Variants in TTC33 observed in about 807,000 individuals in gnomAD.
The protein encoded by TTC33 is tetratricopeptide repeat domain 33.
A neutral mutation model predicts 29.4 loss-of-function variants in TTC33; 24 were observed. The observed-to-expected ratio is 0.82, with a 90% confidence interval of 0.59 to 1.15. TTC33 has a LOEUF of 1.15. Among genes scored for constraint, TTC33 ranks in the 50% most tolerant of loss-of-function variants. TTC33 has a pLI of 0.00. For missense variants in TTC33, 286 were observed against 310.4 expected (o/e 0.92, Z 0.59); for synonymous variants, 107 against 100.3 (o/e 1.07, Z -0.40).
intron 2 of TTC33, among the ~76,000 whole-genome samples, chr5:40,741,105 C>T (rs1169566107): frequency 6.6e-6 from 1 of 152,182 alleles, no homozygotes; most frequent in Admixed American, 6.5e-5. Flanking sequence ...CAGTTTCCAA[C>T]TCTTTGGCAT....
intron 2 of TTC33, among the ~76,000 whole-genome samples, chr5:40,744,017 T>G (rs897246397): frequency 1.3e-5 from 2 of 152,216 alleles, no homozygotes; most frequent in Non-Finnish European, 2.9e-5. Context: ...GGGAATCCGA[T>G]GGCAATAACA....
Position 40,749,944 on chromosome 5 carries a change from C to G in TTC33, c.-1-2925G>C, listed in dbSNP as rs539590288. 2.6e-5 allele frequency among the ~76,000 whole-genome samples: 4 copies of G among 152,028 alleles called. No individual in the cohort carries two copies. In the South Asian group the frequency reaches 8.3e-4, roughly 32 times the overall value. ...CTCTACTAAAAATACAAAAATTATCCGGGCGTGGTGGCATGTGCCTGTAAT... is the reference window on the plus strand; with the variant it reads ...CTCTACTAAAAATACAAAAATTATCGGGGCGTGGTGGCATGTGCCTGTAAT... On this transcript the variant is annotated intron_variant, in intron 1 of 4. Transcript: ENST00000337702.
intron 2 of TTC33, among the ~76,000 whole-genome samples, chr5:40,746,471 A>G (rs1579691327): frequency 6.6e-6 from 1 of 152,328 alleles, no homozygotes; most frequent in Middle Eastern, 3.4e-3. Context: ...GTTTCCAGTG[A>G]TAAGACCACC....
chr5:40,726,462 CTTT>C (rs913016790), intron 4 of TTC33, among the ~76,000 whole-genome samples: 2 of 146,402 alleles, frequency 1.4e-5, no homozygotes, highest in African/African-American at 5.0e-5. Flanking sequence ...TTTGAGTCAT[CTTT>C]TTTTTTTACC....
At chr5:40,726,337 C>A (rs1742286553) in intron 4 of TTC33, among the ~76,000 whole-genome samples, 1 of 151,750 alleles carries the variant, frequency 6.6e-6, no homozygotes, top group African/African-American at 2.4e-5. Context: ...GTGCTATTTA[C>A]ATACATAATT....
At chr5:40,726,005 TC>T (rs1260606248) in intron 4 of TTC33, among the ~76,000 whole-genome samples, 1 of 151,710 alleles carries the variant, frequency 6.6e-6, no homozygotes, top group Admixed American at 6.6e-5. Context: ...CAGGATGGTC[TC>T]AATCTCCTGA....
Position 40,728,399 on chromosome 5 carries a change from C to T in TTC33, c.381G>A (p.Trp127Ter). The T allele has an allele frequency of 6.2e-7, 1 of 1,613,680 alleles. No individual in the cohort carries two copies. Among genetic ancestry groups the T allele is most frequent in the Non-Finnish European group, 8.5e-7 (1 of 1,179,836 alleles). The change falls in exon 4 of 5, where the codon TGG becomes TGA. Residue 127 changes from tryptophan (W) to a stop codon, truncating the protein, a stop_gained. Coordinates refer to ENST00000337702, the MANE Select transcript of TTC33 (RefSeq NM_012382.3). LOFTEE classifies it high-confidence loss of function. Reference protein sequence around the residue: ...EMAVQQNPHSWESWQTLGRAQ... With the variant: ...EMAVQQNPHS ...CACGTCCCAAAGTCTGCCAAGACTC[C>T]CATGAATGTGGATTTTGCTGGACGG...
At chr5:40,717,472 T>C (rs573720765) in intron 4 of TTC33, among the ~76,000 whole-genome samples, 1 of 152,296 alleles carries the variant, frequency 6.6e-6, no homozygotes, top group South Asian at 2.1e-4. Context: ...ACAGTCTGGA[T>C]AAAGGTCAAC....
At chr5:40,751,729 C>T (rs541408440) in intron 1 of TTC33, among the ~76,000 whole-genome samples, 145 of 152,186 alleles carry the variant, frequency 9.5e-4, no homozygotes, top group South Asian at 6.4e-3. Context: ...GGGGCCAAGG[C>T]GGAAGGATCA....
intron 2 of TTC33, among the ~76,000 whole-genome samples, chr5:40,743,893 C>CA (rs1367607123): frequency 2.0e-5 from 3 of 152,122 alleles, no homozygotes; most frequent in Non-Finnish European, 4.4e-5. Context: ...ATAAAGCATC[C>CA]AATCCCACTG....
chr5:40,750,829 T>C (rs1742881974), intron 1 of TTC33, among the ~76,000 whole-genome samples: 1 of 152,246 alleles, frequency 6.6e-6, no homozygotes, highest in Non-Finnish European at 1.5e-5. Flanking sequence ...CCACTTTCTT[T>C]GTTCATCCCT....
rs1490124406 is a variant in TTC33 at position 40,715,086 on chromosome 5, A to G, written c.*1059T>C. On this transcript the variant is annotated 3_prime_UTR_variant, in exon 5 of 5. Coordinates refer to ENST00000337702, the MANE Select transcript of TTC33 (RefSeq NM_012382.3). ...TACTATAAATCACATTCCAATTTCT[A>G]TGTATTTTGTGCTTAAGTTATTTAT... 6.6e-6 allele frequency: 1 copy of G among 152,010 alleles called. No individual in the cohort carries two copies. Among genetic ancestry groups the G allele is most frequent in the Non-Finnish European group, 1.5e-5 (1 of 67,940 alleles). The allele number at this position is 152,010 out of a possible 1,614,324, so 9.4% of individuals were successfully genotyped here.
chr5:40,716,541 TAGTATG>T, intron 4 of TTC33, 43 bp from the exon 5 acceptor site: 1 of 1,302,352 alleles, frequency 7.7e-7, no homozygotes, highest in Non-Finnish European at 1.1e-6. Context: ...TTTTAAAAAT[TAGTATG>T]TTTAATACAA....
chr5:40,722,959 C>T (rs1354039928), intron 4 of TTC33, among the ~76,000 whole-genome samples: 2 of 152,120 alleles, frequency 1.3e-5, no homozygotes, highest in African/African-American at 2.4e-5. Flanking sequence ...TCATTGAGAG[C>T]GGGCCATGAT....
intron 4 of TTC33, among the ~76,000 whole-genome samples, chr5:40,722,363 G>A (rs952700132): frequency 3.3e-5 from 5 of 151,996 alleles, no homozygotes; most frequent in African/African-American, 4.8e-5. Context: ...CTGCCTGGCC[G>A]CCCATCGTCT....
intron 4 of TTC33, among the ~76,000 whole-genome samples, chr5:40,725,675 C>T (rs1742263044): frequency 6.6e-6 from 1 of 152,000 alleles, no homozygotes; most frequent in Non-Finnish European, 1.5e-5. Flanking sequence ...CTTTCCCAGT[C>T]TCCTTCCCTC....
At chr5:40,726,075 G>A (rs1272312774) in intron 4 of TTC33, among the ~76,000 whole-genome samples, 5 of 151,514 alleles carry the variant, frequency 3.3e-5, no homozygotes, top group South Asian at 4.2e-4. Context: ...TTGAGCCACC[G>A]CGCCTGGCTT....
In TTC33 at chr5:40,713,780, T is replaced by C. The variant is rs1479053754; in HGVS notation, c.*2365A>G. Among the ~76,000 whole-genome samples, 1 of 152,190 alleles carries C rather than the reference T, an allele frequency of 6.6e-6. No individual in the cohort carries two copies. The highest frequency in any genetic ancestry group is 1.9e-4 in the East Asian group (1 of 5,198). ...TCAGAAAGTATATTAAACATCTATATCATTATCATGAACATCAATTCTCTT... is the reference window on the plus strand; with the variant it reads ...TCAGAAAGTATATTAAACATCTATACCATTATCATGAACATCAATTCTCTT... On this transcript the variant is annotated 3_prime_UTR_variant, in exon 5 of 5. Transcript: ENST00000337702.
At chr5:40,719,128 TCACAGTCA>T (rs1375380031) in intron 4 of TTC33, among the ~76,000 whole-genome samples, 3 of 152,150 alleles carry the variant, frequency 2.0e-5, no homozygotes, top group Admixed American at 2.0e-4. Flanking sequence ...AATTCAATAT[TCACAGTCA>T]CACAGCCATC....
Sources: allele counts gnomAD v4.1 joint callset (sites outside exome capture counted in the v4.1 genomes callset), GRCh38; gene constraint gnomAD v4.1.1; transcripts MANE v1.5; gene names NCBI Gene and HGNC (gene_info 2026-07-23, HGNC 2026-07-21).